CPQ: variants seen among roughly 807,000 people sequenced by gnomAD.
CPQ encodes carboxypeptidase Q.
Under a neutral mutation model 45.7 loss-of-function variants are expected in CPQ, and 37 were observed. The ratio of observed to expected loss-of-function variants is 0.81; its 90% CI spans 0.62 to 1.07. The LOEUF (loss-of-function observed/expected upper bound fraction) is 1.07, where lower values mean the gene tolerates loss of function less well. Among genes scored for constraint, CPQ ranks in the 50% least tolerant of loss-of-function variants. CPQ has a pLI of 0.00. For synonymous variants in CPQ, 186 were observed against 205.8 expected (o/e 0.90, Z 0.82); for missense variants, 537 against 572.9 (o/e 0.94, Z 0.64).
chr8:96,967,820 G>A (rs1485997474), intron 5 of CPQ, among the ~76,000 whole-genome samples: 4 of 152,296 alleles, frequency 2.6e-5, no homozygotes, highest in South Asian at 2.1e-4. Context: ...TCTGCAGTCT[G>A]CTAGGTGTGT....
At chr8:96,728,522 A>G (rs1008642943) in intron 1 of CPQ, among the ~76,000 whole-genome samples, 10 of 152,100 alleles carry the variant, frequency 6.6e-5, no homozygotes, top group African/African-American at 2.4e-4. Flanking sequence ...CGGTCACAAT[A>G]TTTTGATTTG....
At chr8:97,011,582 G>A (rs1809485194) in intron 5 of CPQ, among the ~76,000 whole-genome samples, 1 of 152,192 alleles carries the variant, frequency 6.6e-6, no homozygotes, top group Non-Finnish European at 1.5e-5. Context: ...ACATTAGGCA[G>A]TCCTAGGTTT....
chr8:96,982,437 C>A (rs970807241), intron 5 of CPQ, among the ~76,000 whole-genome samples: 12 of 152,244 alleles, frequency 7.9e-5, no homozygotes, highest in Non-Finnish European at 1.6e-4. Flanking sequence ...TTCCCTGGCT[C>A]AAATGATCCT....
chr8:96,712,958 G>C (rs1313448754), intron 1 of CPQ, among the ~76,000 whole-genome samples: 3 of 151,966 alleles, frequency 2.0e-5, no homozygotes, highest in Non-Finnish European at 2.9e-5. Context: ...TTGCCCCTTA[G>C]GAGTTTTTTC....
intron 4 of CPQ, among the ~76,000 whole-genome samples, chr8:96,882,349 G>C (rs761267433): frequency 2.0e-5 from 3 of 152,200 alleles, no homozygotes; most frequent in African/African-American, 4.8e-5. Context: ...AACAACAGAA[G>C]AGCCAAGAGT....
At chr8:96,730,193 C>G (rs1400238112) in intron 1 of CPQ, among the ~76,000 whole-genome samples, 1 of 152,136 alleles carries the variant, frequency 6.6e-6, no homozygotes, top group Non-Finnish European at 1.5e-5. Flanking sequence ...TTCTCTTTGC[C>G]AGGCCATAGA....
At chr8:97,096,367 T>C (rs989628793) in intron 7 of CPQ, among the ~76,000 whole-genome samples, 6 of 152,194 alleles carry the variant, frequency 3.9e-5, no homozygotes, top group Non-Finnish European at 1.5e-5. Context: ...ATTCAAAATA[T>C]TTGTTACATG....
intron 3 of CPQ, among the ~76,000 whole-genome samples, chr8:96,877,735 T>A (rs1665805099): frequency 6.6e-6 from 1 of 152,188 alleles, no homozygotes; most frequent in South Asian, 2.1e-4. Context: ...ATTCTCCACT[T>A]TACAAATGCG....
intron 1 of CPQ, among the ~76,000 whole-genome samples, chr8:96,673,041 G>A (rs1163289888): frequency 6.6e-6 from 1 of 152,024 alleles, no homozygotes; most frequent in African/African-American, 2.4e-5. Context: ...TACTGAGGTG[G>A]GAATATTGCC....
intron 1 of CPQ, among the ~76,000 whole-genome samples, chr8:96,765,733 T>C (rs1169014498): frequency 6.6e-6 from 1 of 152,182 alleles, no homozygotes; most frequent in Non-Finnish European, 1.5e-5. Flanking sequence ...CCTGGTTAAA[T>C]TAAAATTCCA....
chr8:96,762,553 T>C (rs1426339839), intron 1 of CPQ, among the ~76,000 whole-genome samples: 2 of 152,188 alleles, frequency 1.3e-5, no homozygotes, highest in African/African-American at 2.4e-5. Flanking sequence ...GCACATTCTG[T>C]AGAGATATCT....
At chr8:96,695,122 C>A (rs967761629) in intron 1 of CPQ, among the ~76,000 whole-genome samples, 7 of 149,854 alleles carry the variant, frequency 4.7e-5, no homozygotes, top group Non-Finnish European at 8.9e-5. Flanking sequence ...ACAGAGCCCT[C>A]AGAAATAATG....
intron 5 of CPQ, among the ~76,000 whole-genome samples, chr8:96,969,289 G>T (rs1415461584): frequency 6.6e-6 from 1 of 152,096 alleles, no homozygotes; most frequent in Non-Finnish European, 1.5e-5. Flanking sequence ...ATATTTTATT[G>T]GTATGTTTCT....
intron 7 of CPQ, among the ~76,000 whole-genome samples, chr8:97,084,923 G>A (rs1036124246): frequency 5.9e-5 from 9 of 151,904 alleles, no homozygotes; most frequent in African/African-American, 1.9e-4. Flanking sequence ...CACCTTTCTT[G>A]TAAGTTGCTG....
At position 96,847,661 on chromosome 8, in the gene CPQ, T is replaced by C. The variant is rs139993193; in HGVS notation, c.641+12481T>C. ...TCCTCTGAACTTTTTATTAACAGCATGAGCTTTGGGGTAATAATCCTGAAG... is the reference window on the plus strand; with the variant it reads ...TCCTCTGAACTTTTTATTAACAGCACGAGCTTTGGGGTAATAATCCTGAAG... On this transcript the variant is annotated intron_variant, in intron 3 of 7. Coordinates refer to ENST00000220763, the MANE Select transcript of CPQ (RefSeq NM_016134.4). 4.8e-3 allele frequency among the ~76,000 whole-genome samples: 729 copies of C among 152,238 alleles called. 6 individuals carry two copies. Among genetic ancestry groups the C allele is most frequent in the Middle Eastern group, 0.041 (12 of 294 alleles).
intron 1 of CPQ, among the ~76,000 whole-genome samples, chr8:96,700,827 C>A (rs1300234118): frequency 6.6e-6 from 1 of 152,064 alleles, no homozygotes; most frequent in African/African-American, 2.4e-5. Context: ...GAAGAACTTT[C>A]CCCCTGTCTG....
chr8:96,776,462 GTC>G (rs1400669735), intron 1 of CPQ, among the ~76,000 whole-genome samples: 1 of 152,116 alleles, frequency 6.6e-6, no homozygotes. Context: ...TTAAATCTTA[GTC>G]TCTCTATCTT....
At chr8:96,809,184 A>G (rs1811126559) in intron 2 of CPQ, among the ~76,000 whole-genome samples, 2 of 151,970 alleles carry the variant, frequency 1.3e-5, no homozygotes, top group Non-Finnish European at 2.9e-5. Flanking sequence ...TGAACTATAT[A>G]TATAATATAC....
intron 4 of CPQ, among the ~76,000 whole-genome samples, chr8:96,964,696 G>A (rs1813526034): frequency 6.6e-6 from 1 of 151,930 alleles, no homozygotes; most frequent in Non-Finnish European, 1.5e-5. Flanking sequence ...TCTCAGTAGT[G>A]ACATGTTTAA....
Sources: gnomAD v4.1 joint callset for allele counts (sites outside exome capture counted in the v4.1 genomes callset) on GRCh38, gnomAD v4.1.1 for gene constraint, MANE v1.5 for transcripts, NCBI Gene and HGNC (gene_info 2026-07-23, HGNC 2026-07-21) for gene names.